Variants in PALM2AKAP2 observed in about 807,000 individuals in gnomAD.
PALM2AKAP2 encodes the protein PALM2-AKAP2 fusion protein.
A neutral mutation model predicts 71.5 loss-of-function variants in PALM2AKAP2; 37 were observed. That is an observed-to-expected ratio of 0.52 (90% CI 0.40 to 0.68). The LOEUF (loss-of-function observed/expected upper bound fraction) is 0.68. Ranked by LOEUF, PALM2AKAP2 falls within the 30% of genes least tolerant of loss-of-function variation. The pLI is 0.00. For synonymous variants in PALM2AKAP2, 468 were observed against 478.8 expected (o/e 0.98, Z 0.29); for missense variants, 1,224 against 1,191.8 (o/e 1.03, Z -0.40).
intron 3 of PALM2AKAP2, among the ~76,000 whole-genome samples, chr9:110,160,987 A>G (rs1836581358): frequency 6.6e-6 from 1 of 152,174 alleles, no homozygotes; most frequent in South Asian, 2.1e-4. Context: ...AGACCAGGAC[A>G]TGCATTGAGA....
intron 3 of PALM2AKAP2, among the ~76,000 whole-genome samples, chr9:109,920,464 C>G (rs532859675): frequency 5.9e-5 from 9 of 151,418 alleles, no homozygotes; most frequent in African/African-American, 2.2e-4. Context: ...CTTGCAGCCT[C>G]TGTCTCCTGG....
At chr9:110,140,309 C>T (rs186587091) in intron 2 of PALM2AKAP2, among the ~76,000 whole-genome samples, 1 of 152,336 alleles carries the variant, frequency 6.6e-6, no homozygotes, top group Admixed American at 6.5e-5. Context: ...TCCCCGTTTT[C>T]CTTTGAATGC....
At chr9:110,023,647 C>A (rs1833118833) in intron 7 of PALM2AKAP2, among the ~76,000 whole-genome samples, 1 of 151,360 alleles carries the variant, frequency 6.6e-6, no homozygotes, top group Admixed American at 6.6e-5. Context: ...TTGCTTGTTT[C>A]ACATTCTCAT....
At chr9:109,901,322 G>C (rs114642718) in intron 3 of PALM2AKAP2, among the ~76,000 whole-genome samples, 1 of 152,192 alleles carries the variant, frequency 6.6e-6, no homozygotes, top group East Asian at 1.9e-4. Flanking sequence ...AGCTGAGAGG[G>C]GCTTAGCTCC....
At chr9:109,920,405 T>C (rs1417246946) in intron 3 of PALM2AKAP2, among the ~76,000 whole-genome samples, 1 of 148,876 alleles carries the variant, frequency 6.7e-6, no homozygotes, top group Non-Finnish European at 1.5e-5. Context: ...GGAGTCACAC[T>C]CTGTTGCCCA....
rs188759107 is a variant in PALM2AKAP2, at chr9:109,847,781, G to A, written c.46-19710G>A. 4 of 152,288 alleles carry A rather than the reference G, an allele frequency of 2.6e-5. No individual in the cohort carries two copies. The East Asian group carries it at 5.8e-4, about 22-fold the overall frequency. 9.4% of individuals were successfully genotyped at this position (152,288 alleles called of 1,614,324 possible). A position where few individuals can be genotyped will look rare whatever the true frequency, so the allele number is the denominator to read the frequency against. Reference sequence around the variant, plus strand: ...TCTATTGTTTTAAGCCAACCAGTTCGTGGTTATTTGTGTAGCAGCCCTAGA... The same window carrying A: ...TCTATTGTTTTAAGCCAACCAGTTCATGGTTATTTGTGTAGCAGCCCTAGA... On this transcript the variant is annotated intron_variant, in intron 1 of 9. Transcript: ENST00000302798.
chr9:110,006,370 C>CTTTCTTTCTTTCTTTCT (rs778951404), intron 6 of PALM2AKAP2, among the ~76,000 whole-genome samples: 1 of 116,564 alleles, frequency 8.6e-6, no homozygotes, highest in Non-Finnish European at 1.8e-5. Flanking sequence ...TTCTTTCTTT[C>CTTTCTTTCTTTCTTTCT]TTCTCTCTTT....
chr9:109,990,248 G>A (rs1044073948), intron 6 of PALM2AKAP2, among the ~76,000 whole-genome samples: 2 of 151,836 alleles, frequency 1.3e-5, no homozygotes, highest in African/African-American at 2.4e-5. Flanking sequence ...TGGTAGAGAC[G>A]GGGTTCCAGC....
intron 1 of PALM2AKAP2, among the ~76,000 whole-genome samples, chr9:109,654,750 G>GGT (rs374397482): frequency 0.067 from 9,918 of 147,222 alleles, 347 homozygotes; most frequent in South Asian, 0.086. Context: ...GTATGTGTAT[G>GGT]GTGTGTGTGT....
At chr9:109,858,796 C>T (rs918101728) in intron 1 of PALM2AKAP2, among the ~76,000 whole-genome samples, 4 of 152,248 alleles carry the variant, frequency 2.6e-5, no homozygotes, top group African/African-American at 7.2e-5. Context: ...CATCAGAGCC[C>T]ATATCAGACC....
intron 1 of PALM2AKAP2, among the ~76,000 whole-genome samples, chr9:109,707,175 G>T (rs1366390549): frequency 6.6e-6 from 1 of 152,020 alleles, no homozygotes; most frequent in African/African-American, 2.4e-5. Context: ...TCCTCTCTCT[G>T]CATGGCCTCT....
chr9:109,792,751 T>C (rs1827151103), intron 1 of PALM2AKAP2, among the ~76,000 whole-genome samples: 1 of 152,092 alleles, frequency 6.6e-6, no homozygotes, highest in African/African-American at 2.4e-5. Flanking sequence ...TCCTAATACA[T>C]ACCTTCTGCT....
intron 7 of PALM2AKAP2, among the ~76,000 whole-genome samples, chr9:110,030,676 C>T (rs1318887088): frequency 6.6e-6 from 1 of 152,182 alleles, no homozygotes; most frequent in Admixed American, 6.5e-5. Context: ...TATCCAATGC[C>T]TTTCCCATCT....
chr9:109,818,202 G>A (rs1268304373), intron 1 of PALM2AKAP2, among the ~76,000 whole-genome samples: 1 of 152,120 alleles, frequency 6.6e-6, no homozygotes, highest in Non-Finnish European at 1.5e-5. Flanking sequence ...GTATAAATAA[G>A]CCTTTCGAAA....
intron 1 of PALM2AKAP2, among the ~76,000 whole-genome samples, chr9:109,734,667 A>G (rs1333934635): frequency 6.6e-6 from 1 of 152,192 alleles, no homozygotes; most frequent in African/African-American, 2.4e-5. Flanking sequence ...ATGACATTTT[A>G]ATTTCATTAA....
exon 4 of PALM2AKAP2, chr9:110,171,193 C>T (rs1836851463): frequency 6.6e-6 from 1 of 152,258 alleles, no homozygotes. Context: ...AGAGGCCACA[C>T]TATTCGCGGA....
At chr9:109,759,152 T>C (rs567944682) in intron 1 of PALM2AKAP2, among the ~76,000 whole-genome samples, 4 of 152,258 alleles carry the variant, frequency 2.6e-5, no homozygotes, top group African/African-American at 9.6e-5. Flanking sequence ...TCCTGACCTG[T>C]CTGTTGGTAT....
chr9:109,749,199 T>C (rs1388406384), intron 1 of PALM2AKAP2, among the ~76,000 whole-genome samples: 3 of 152,168 alleles, frequency 2.0e-5, no homozygotes, highest in African/African-American at 7.2e-5. Flanking sequence ...TTAGTCCTTC[T>C]AGAAGGAGTC....
intron 1 of PALM2AKAP2, among the ~76,000 whole-genome samples, chr9:109,829,825 A>G (rs1828249971): frequency 6.6e-6 from 1 of 152,114 alleles, no homozygotes; most frequent in Non-Finnish European, 1.5e-5. Flanking sequence ...TTATGAAAAG[A>G]TGCAATGCAA....
Sources: gnomAD v4.1 joint callset for allele counts (sites outside exome capture counted in the v4.1 genomes callset) on GRCh38, gnomAD v4.1.1 for gene constraint, MANE v1.5 for transcripts, NCBI Gene and HGNC (gene_info 2026-07-23, HGNC 2026-07-21) for gene names.